The following SLC25A42 variants were observed in gnomAD, a reference collection of about 807,000 sequenced individuals.
SLC25A42 encodes mitochondrial coenzyme A transporter SLC25A42.
In SLC25A42, 19 loss-of-function variants were observed where a neutral mutation model predicts 34.7. The ratio of observed to expected loss-of-function variants is 0.55; its 90% CI spans 0.38 to 0.80. The LOEUF (loss-of-function observed/expected upper bound fraction) is 0.80. SLC25A42 is among the 30% of genes least tolerant of loss of function. SLC25A42 has a pLI of 0.00. For synonymous variants in SLC25A42, 205 were observed against 191.2 expected (o/e 1.07, Z -0.59); for missense variants, 364 against 441.3 (o/e 0.82, Z 1.57).
At chr19:19,092,052 C>G (rs372561688) in intron 1 of SLC25A42, among the ~76,000 whole-genome samples, 1 of 152,150 alleles carries the variant, frequency 6.6e-6, no homozygotes, top group Admixed American at 6.5e-5. Flanking sequence ...CAGAAGCAGG[C>G]CGCTCTTGTG....
At chr19:19,100,217 C>T (rs944825167) in intron 2 of SLC25A42, among the ~76,000 whole-genome samples, 1 of 152,024 alleles carries the variant, frequency 6.6e-6, no homozygotes, top group South Asian at 2.1e-4. Context: ...TGGTGCTTGC[C>T]TGTAATTCCA....
intron 1 of SLC25A42, among the ~76,000 whole-genome samples, chr19:19,094,179 C>G (rs1224364269): frequency 6.6e-6 from 1 of 152,224 alleles, no homozygotes; most frequent in Admixed American, 6.5e-5. Context: ...TGGAAAGAAG[C>G]CGCTAAGCGC....
intron 6 of SLC25A42, 66 bp downstream of exon 6, chr19:19,106,451 G>C: frequency 7.4e-7 from 1 of 1,355,182 alleles, no homozygotes; most frequent in South Asian, 1.3e-5. Context: ...CTCCCAGGTC[G>C]GAATCCCTCT....
At chr19:19,099,563 C>T (rs914983060) in intron 2 of SLC25A42, among the ~76,000 whole-genome samples, 11 of 151,976 alleles carry the variant, frequency 7.2e-5, no homozygotes, top group East Asian at 1.9e-4. Flanking sequence ...CCCTTTACCC[C>T]GAGCCACACA....
chr19:19,084,717 T>C (rs1034814215), intron 1 of SLC25A42, among the ~76,000 whole-genome samples: 3 of 151,956 alleles, frequency 2.0e-5, no homozygotes, highest in African/African-American at 7.3e-5. Context: ...ACCCAAGAGG[T>C]CCAGGTGCAG....
chr19:19,105,867 G>A, intron 5 of SLC25A42, 140 bp downstream of exon 5: 2 of 743,402 alleles, frequency 2.7e-6, no homozygotes, highest in South Asian at 1.9e-5. Context: ...AACACTGGGA[G>A]ACTCCTCACC....
At chr19:19,071,476 G>A (rs192591089) in intron 1 of SLC25A42, among the ~76,000 whole-genome samples, 2 of 152,092 alleles carry the variant, frequency 1.3e-5, no homozygotes, top group Non-Finnish European at 2.9e-5. Context: ...GGGGTGCTAC[G>A]GTCTGATCTT....
intron 3 of SLC25A42, among the ~76,000 whole-genome samples, chr19:19,104,542 G>T (rs1471570365): frequency 1.3e-5 from 2 of 152,216 alleles, no homozygotes; most frequent in African/African-American, 4.8e-5. Flanking sequence ...GGGACCCTGG[G>T]AGGGGCATGT....
chr19:19,099,938 C>T (rs57654710), intron 2 of SLC25A42, among the ~76,000 whole-genome samples: 12 of 151,718 alleles, frequency 7.9e-5, no homozygotes, highest in South Asian at 2.1e-4. Flanking sequence ...ATGTTGGGCA[C>T]GCTGGTCTCG....
chr19:19,103,629 C>A (rs2059810100), intron 3 of SLC25A42, among the ~76,000 whole-genome samples: 1 of 152,228 alleles, frequency 6.6e-6, no homozygotes, highest in Admixed American at 6.5e-5. Flanking sequence ...GAAGAGGTGG[C>A]CTTTGCCCCC....
intron 2 of SLC25A42, among the ~76,000 whole-genome samples, chr19:19,101,145 G>A (rs1333444380): frequency 6.6e-6 from 1 of 152,148 alleles, no homozygotes; most frequent in Non-Finnish European, 1.5e-5. Context: ...AAGGAGGGAG[G>A]GCTGTGGGGG....
At chr19:19,089,773 G>T (rs533698656) in intron 1 of SLC25A42, among the ~76,000 whole-genome samples, 2 of 152,146 alleles carry the variant, frequency 1.3e-5, no homozygotes, top group East Asian at 1.9e-4. Flanking sequence ...TGAGGCCAAG[G>T]CAGGAGAATC....
intron 1 of SLC25A42, among the ~76,000 whole-genome samples, chr19:19,080,352 C>T (rs2059675011): frequency 6.6e-6 from 1 of 152,120 alleles, no homozygotes; most frequent in Non-Finnish European, 1.5e-5. Flanking sequence ...AGGACAGCCC[C>T]ACCCCCTACC....
chr19:19,093,686 CCTTT>C (rs2059749862), intron 1 of SLC25A42, among the ~76,000 whole-genome samples: 1 of 151,962 alleles, frequency 6.6e-6, no homozygotes. Flanking sequence ...GGTGTTTTTT[CCTTT>C]CTTTCGAGAC....
intron 1 of SLC25A42, among the ~76,000 whole-genome samples, chr19:19,080,350 C>A (rs551336291): frequency 5.4e-4 from 82 of 152,212 alleles, no homozygotes; most frequent in Non-Finnish European, 1.0e-3. Flanking sequence ...TAAGGACAGC[C>A]CCACCCCCTA....
intron 5 of SLC25A42, 74 bp from the exon 6 acceptor site, chr19:19,106,195 G>C (rs1164332688): frequency 7.8e-7 from 1 of 1,289,238 alleles, no homozygotes; most frequent in Admixed American, 1.8e-5. Context: ...AGACGTGCGG[G>C]TGCTCCAGGC....
In SLC25A42 at chr19:19,081,289, A is replaced by G. The variant is rs1282723537; in HGVS notation, c.-34-14802A>G. Among the ~76,000 whole-genome samples, 1 of 152,076 alleles carries G rather than the reference A, an allele frequency of 6.6e-6. No individual in the cohort carries two copies. The highest frequency in any genetic ancestry group is 2.4e-5 in the African/African-American group (1 of 41,402). On this transcript the variant is annotated intron_variant, in intron 1 of 7. Coordinates refer to ENST00000318596, the MANE Select transcript of SLC25A42 (RefSeq NM_178526.5). This position sits in a 1 kb window ranked among gnomAD's most constrained non-coding sequence, Gnocchi z 4.5. ...CTTTCCAGCACTGGACCCATAAGGA[A>G]CCACAGGGACCACCACTATGACCAG...
rs1000466347 is a variant in SLC25A42 at position 19,110,633 on chromosome 19, C to G, written c.714C>G (p.Leu238=). The change falls in exon 8 of 8, where the codon CTC becomes CTG. Residue 238 remains leucine (L), a synonymous_variant. Coordinates refer to ENST00000318596, the MANE Select transcript of SLC25A42 (RefSeq NM_178526.5). ...ERMIFGACAG[L]IGQSASYPLD... ...TGATCTTCGGCGCCTGCGCTGGCCT[C>G]ATCGGGCAGTCGGCCTCGTACCCGC... 6.5e-7 allele frequency: 1 copy of G among 1,539,186 alleles called. No homozygotes were observed. Among genetic ancestry groups the G allele is most frequent in the East Asian group, 2.5e-5 (1 of 40,644 alleles).
chr19:19,086,968 G>A lies in SLC25A42; in HGVS notation c.-34-9123G>A, dbSNP rs1047044456. Among the ~76,000 whole-genome samples the A allele has an allele frequency of 6.6e-5, 10 of 152,166 alleles. No homozygotes were observed. The East Asian group carries it at 1.9e-3, about 29-fold the overall frequency. The stretch of plus-strand genomic sequence containing the variant: ...AAATCATCCCATATAGTTACCATGT[G>A]TGTGGGGGGGTGCGCTGGGTGGGGA... On this transcript the variant is annotated intron_variant, in intron 1 of 7. Transcript: ENST00000318596.
Sources: allele counts gnomAD v4.1 joint callset (sites outside exome capture counted in the v4.1 genomes callset), GRCh38; gene constraint gnomAD v4.1.1; non-coding constraint Gnocchi (gnomAD v3.1); transcripts MANE v1.5; gene names NCBI Gene and HGNC (gene_info 2026-07-23, HGNC 2026-07-21).